BORCS5: variants seen among roughly 807,000 people sequenced by gnomAD.
The protein encoded by BORCS5 is BLOC-1 related complex subunit 5.
A neutral mutation model predicts 22.1 loss-of-function variants in BORCS5; 17 were observed. The ratio of observed to expected loss-of-function variants is 0.77; its 90% confidence interval spans 0.53 to 1.15. The LOEUF (loss-of-function observed/expected upper bound fraction) is 1.15, where lower values mean the gene tolerates loss of function less well. BORCS5 is among the 50% of genes most tolerant of loss of function. The pLI, the probability that BORCS5 is intolerant of heterozygous loss-of-function variation, is 0.00. For missense variants in BORCS5, 247 were observed against 253.2 expected (o/e 0.98, Z 0.17); for synonymous variants, 117 against 99.8 (o/e 1.17, Z -1.03).
intron 2 of BORCS5, among the ~76,000 whole-genome samples, chr12:12,412,359 G>A (rs922129470): frequency 6.6e-6 from 1 of 151,852 alleles, no homozygotes; most frequent in Non-Finnish European, 1.5e-5. Context: ...TTATTCCTAA[G>A]TGTTTTATTC....
At chr12:12,462,174 CACTT>C (rs1358813742) in intron 3 of BORCS5, among the ~76,000 whole-genome samples, 1 of 152,232 alleles carries the variant, frequency 6.6e-6, no homozygotes, top group African/African-American at 2.4e-5. Context: ...TAATAGCTCA[CACTT>C]ACCCAGTGCT....
intron 2 of BORCS5, among the ~76,000 whole-genome samples, chr12:12,389,738 G>A (rs1295847043): frequency 6.6e-6 from 1 of 152,082 alleles, no homozygotes; most frequent in Non-Finnish European, 1.5e-5. Context: ...CTGCCTTTCG[G>A]GTTCAAGTGA....
At chr12:12,405,624 T>C (rs1437090790) in intron 2 of BORCS5, among the ~76,000 whole-genome samples, 8 of 152,234 alleles carry the variant, frequency 5.3e-5, no homozygotes, top group Non-Finnish European at 1.2e-4. Context: ...GTGCCATCAT[T>C]AATATTAGGC....
chr12:12,361,837 T>G (rs775251369), intron 2 of BORCS5, among the ~76,000 whole-genome samples: 24 of 152,226 alleles, frequency 1.6e-4, no homozygotes, highest in Non-Finnish European at 3.4e-4. Flanking sequence ...ACACTCGTAA[T>G]TAATCCTGGC....
At chr12:12,401,913 A>T (rs969574430) in intron 2 of BORCS5, among the ~76,000 whole-genome samples, 2 of 151,984 alleles carry the variant, frequency 1.3e-5, no homozygotes, top group African/African-American at 4.8e-5. Context: ...AAAATACAAA[A>T]AAATTAGCTG....
Position 12,470,524 on chromosome 12 carries a change from A to G in BORCS5, c.*4748A>G, listed in dbSNP as rs932872421. On this transcript the variant is annotated 3_prime_UTR_variant, in exon 4 of 4. Transcript: ENST00000314565. ...TCTAGGTTTTGCGCTCCTTATGAGAATCTAATGCCTGATGATCTGAGATGG... is the reference window on the plus strand; with the variant it reads ...TCTAGGTTTTGCGCTCCTTATGAGAGTCTAATGCCTGATGATCTGAGATGG... Among the ~76,000 whole-genome samples, 8 of 152,172 alleles carry G rather than the reference A, an allele frequency of 5.3e-5. No homozygotes were observed. Among genetic ancestry groups the G allele is most frequent in the Admixed American group, 3.9e-4 (6 of 15,288 alleles).
chr12:12,357,582 G>C, intron 1 of BORCS5, 73 bp downstream of exon 1: 1 of 1,507,334 alleles, frequency 6.6e-7, no homozygotes, highest in East Asian at 2.3e-5. Context: ...TCCCAGACTA[G>C]GGTCAGGGAC....
At chr12:12,357,594 G>A in intron 1 of BORCS5, 85 bp downstream of exon 1, 1 of 1,431,152 alleles carries the variant, frequency 7.0e-7, no homozygotes, top group Non-Finnish European at 9.5e-7. Context: ...GTCAGGGACT[G>A]CGGACGGGAA....
chr12:12,423,438 CTTTTTTTTT>C (rs939681383), intron 2 of BORCS5, among the ~76,000 whole-genome samples: 6 of 57,246 alleles, frequency 1.0e-4, no homozygotes, highest in African/African-American at 2.6e-4. Flanking sequence ...ACTCCCTCAG[CTTTTTTTTT>C]TTTTTTTTTT....
intron 3 of BORCS5, among the ~76,000 whole-genome samples, chr12:12,458,270 G>A (rs1943034750): frequency 6.6e-6 from 1 of 152,078 alleles, no homozygotes; most frequent in Non-Finnish European, 1.5e-5. Context: ...CCACTTCCAG[G>A]TGATCTCCTG....
At chr12:12,400,079 CCT>C (rs1941433282) in intron 2 of BORCS5, among the ~76,000 whole-genome samples, 1 of 152,234 alleles carries the variant, frequency 6.6e-6, no homozygotes, top group South Asian at 2.1e-4. Flanking sequence ...CTACTTAGAA[CCT>C]TGGCTTCGCA....
At chr12:12,423,918 G>C (rs1942209649) in intron 2 of BORCS5, among the ~76,000 whole-genome samples, 1 of 152,088 alleles carries the variant, frequency 6.6e-6, no homozygotes, top group Non-Finnish European at 1.5e-5. Flanking sequence ...TCAAACTCCT[G>C]ACCTCAAGTG....
At chr12:12,461,579 C>T (rs1483593944) in intron 3 of BORCS5, among the ~76,000 whole-genome samples, 1 of 152,192 alleles carries the variant, frequency 6.6e-6, no homozygotes, top group African/African-American at 2.4e-5. Flanking sequence ...CAGGCCTGGT[C>T]TCCTCTTACA....
At chr12:12,398,916 G>C (rs1033071196) in intron 2 of BORCS5, among the ~76,000 whole-genome samples, 1 of 152,184 alleles carries the variant, frequency 6.6e-6, no homozygotes, top group African/African-American at 2.4e-5. Flanking sequence ...TAATAAGAGT[G>C]GGAGAGACGG....
At chr12:12,440,480 T>C (rs929643353) in intron 3 of BORCS5, among the ~76,000 whole-genome samples, 15 of 151,946 alleles carry the variant, frequency 9.9e-5, no homozygotes, top group African/African-American at 2.7e-4. Context: ...AATGAAGATA[T>C]ACAGAACAGA....
At chr12:12,459,326 T>A (rs911564803) in intron 3 of BORCS5, among the ~76,000 whole-genome samples, 11 of 151,966 alleles carry the variant, frequency 7.2e-5, no homozygotes, top group African/African-American at 1.2e-4. Context: ...TTTTTTTTTT[T>A]AAAGACAGGG....
rs1943228901 is a variant in BORCS5 at position 12,467,913 on chromosome 12, C to T, written c.*2137C>T. On this transcript the variant is annotated 3_prime_UTR_variant, in exon 4 of 4. Coordinates refer to ENST00000314565, the MANE Select transcript of BORCS5 (RefSeq NM_058169.6). ...GTGTGGGCAGCCGCTGGGCCCACGG[C>T]TCCTCCCACTCCCGCAGAACTCTGC... 1 of 152,262 alleles carries T rather than the reference C, an allele frequency of 6.6e-6. No homozygotes were observed. The highest frequency in any genetic ancestry group is 2.4e-5 in the African/African-American group (1 of 41,456). The allele number at this position is 152,262 out of a possible 1,614,324, so 9.4% of individuals were successfully genotyped here.
In BORCS5 at chr12:12,387,146, G is replaced by A. The variant is rs76153288; in HGVS notation, c.202+25797G>A. ...GCCCCCTGAGTAGTTGGGATTGCAGGTTTGAGCTCTCATGCCTAGCAAGAT... is the reference window on the plus strand; with the variant it reads ...GCCCCCTGAGTAGTTGGGATTGCAGATTTGAGCTCTCATGCCTAGCAAGAT... On this transcript the variant is annotated intron_variant, in intron 2 of 3. Transcript: ENST00000314565. Among the ~76,000 whole-genome samples the A allele has an allele frequency of 2.7e-3, 406 of 151,588 alleles. 9 individuals are homozygous for A. The highest frequency in any genetic ancestry group is 9.4e-3 in the African/African-American group (387 of 41,350).
chr12:12,465,114 C>G (rs895164322), intron 3 of BORCS5, among the ~76,000 whole-genome samples: 1 of 152,062 alleles, frequency 6.6e-6, no homozygotes, highest in Non-Finnish European at 1.5e-5. Context: ...TGGGATTACA[C>G]GCACACACCA....
Sources: allele counts gnomAD v4.1 joint callset (sites outside exome capture counted in the v4.1 genomes callset), GRCh38; gene constraint gnomAD v4.1.1; transcripts MANE v1.5; gene names NCBI Gene and HGNC (gene_info 2026-07-23, HGNC 2026-07-21).